WSCD2: variants seen among roughly 807,000 people sequenced by gnomAD.
WSCD2 encodes the protein WSC domain sialate O sulfotransferase 2, also known as sialate:O-sulfotransferase 2.
Under a neutral mutation model 55.7 loss-of-function variants are expected in WSCD2, and 28 were observed. That is an observed-to-expected ratio of 0.50 (90% confidence interval 0.37 to 0.69). The LOEUF (loss-of-function observed/expected upper bound fraction) is 0.69, where lower values mean the gene tolerates loss of function less well. Among genes scored for constraint, WSCD2 ranks in the 30% least tolerant of loss-of-function variants. The pLI is 0.00. For missense variants in WSCD2, 616 were observed against 762.1 expected, an observed-to-expected ratio of 0.81 and a Z score of 2.26; for synonymous variants, 301 against 301.9, an observed-to-expected ratio of 1.00 and a Z score of 0.03.
At chr12:108,199,878 C>T (rs533593971) in intron 2 of WSCD2, among the ~76,000 whole-genome samples, 1 of 152,280 alleles carries the variant, frequency 6.6e-6, no homozygotes, top group East Asian at 1.9e-4. Flanking sequence ...CGTCACTTCT[C>T]AGTGTACAGA....
intron 1 of WSCD2, among the ~76,000 whole-genome samples, chr12:108,181,794 A>C (rs567885662): frequency 4.6e-5 from 7 of 152,194 alleles, no homozygotes; most frequent in Non-Finnish European, 1.0e-4. Context: ...CCACCAAGCC[A>C]TAGCTGCCCC....
At chr12:108,223,234 CA>C (rs1887722992) in intron 4 of WSCD2, among the ~76,000 whole-genome samples, 1 of 152,218 alleles carries the variant, frequency 6.6e-6, no homozygotes, top group Admixed American at 6.5e-5. Context: ...AACTGGGCAC[CA>C]TGGCCTAGCT....
intron 4 of WSCD2, among the ~76,000 whole-genome samples, chr12:108,219,908 G>A (rs1305408508): frequency 6.6e-6 from 1 of 152,198 alleles, no homozygotes; most frequent in African/African-American, 2.4e-5. Context: ...GAGACCCAGG[G>A]TCAAGATCTG....
chr12:108,151,207 G>A (rs547185121), intron 1 of WSCD2, among the ~76,000 whole-genome samples: 11 of 152,148 alleles, frequency 7.2e-5, no homozygotes, highest in Non-Finnish European at 1.5e-4. Flanking sequence ...CATTTGTGGT[G>A]AGATAATTTC....
chr12:108,136,558 C>T (rs956797189), intron 1 of WSCD2, among the ~76,000 whole-genome samples: 5 of 152,174 alleles, frequency 3.3e-5, no homozygotes, highest in Non-Finnish European at 7.4e-5. Context: ...TGTAATCAGA[C>T]TTCACTTCCA....
intron 1 of WSCD2, among the ~76,000 whole-genome samples, chr12:108,162,485 C>T (rs1879176484): frequency 6.6e-6 from 1 of 152,170 alleles, no homozygotes. Context: ...ATCAATGTGC[C>T]CCACACATGT....
chr12:108,223,746 C>T (rs542052567), intron 4 of WSCD2, among the ~76,000 whole-genome samples: 10 of 152,180 alleles, frequency 6.6e-5, no homozygotes, highest in Non-Finnish European at 1.5e-4. Context: ...CAGCCCCTCC[C>T]AGGAAGTTAC....
intron 1 of WSCD2, among the ~76,000 whole-genome samples, chr12:108,157,032 C>T (rs1256041044): frequency 6.6e-6 from 1 of 152,206 alleles, no homozygotes; most frequent in Non-Finnish European, 1.5e-5. Flanking sequence ...CCCAGGACCC[C>T]ACCCCATAAG....
intron 1 of WSCD2, among the ~76,000 whole-genome samples, chr12:108,179,859 T>G (rs1334938344): frequency 1.3e-5 from 2 of 152,122 alleles, no homozygotes; most frequent in African/African-American, 4.8e-5. Flanking sequence ...ATGGTGAACA[T>G]TAGAAATTAT....
Position 108,196,048 on chromosome 12 carries a change from G to A in WSCD2, c.216G>A (p.Leu72=), listed in dbSNP as rs774972579. 1.2e-6 allele frequency: 2 copies of A among 1,614,088 alleles called. No homozygotes were observed. Among genetic ancestry groups the A allele is most frequent in the African/African-American group, 2.7e-5 (2 of 74,926 alleles). The part of the protein sequence containing the change: ...AELSFLGDMH[L]GRGFRDTGEA... ...TGTCCTTCTTGGGTGACATGCATCT[G>A]GGCAGAGGTTTCCGGGACACAGGTG... Residue 72 remains leucine (L), a synonymous_variant, in exon 2 of 9, where the codon CTG becomes CTA. Coordinates refer to ENST00000547525, the MANE Select transcript of WSCD2 (RefSeq NM_014653.4).
intron 8 of WSCD2, among the ~76,000 whole-genome samples, chr12:108,242,120 C>G (rs773747074): frequency 5.3e-5 from 8 of 152,188 alleles, no homozygotes; most frequent in Non-Finnish European, 8.8e-5. Flanking sequence ...GTACTCCAGC[C>G]CCTCCCCAGA....
Position 108,210,392 on chromosome 12 carries a change from A to AC in WSCD2, c.682+90dup. ...AAAGAGTCCCACATGTCTGCCCTGTACCCTCCATGGCTCCCCATCACTCCA... is the reference window on the plus strand; with the variant it reads ...AAAGAGTCCCACATGTCTGCCCTGTACCCCTCCATGGCTCCCCATCACTCCA... On this transcript the variant is annotated intron_variant, in intron 4 of 8. Transcript: ENST00000547525. This position sits in a 1 kb window ranked among gnomAD's most constrained non-coding sequence, Gnocchi z 4.3. 1.4e-6 allele frequency: 2 copies of AC among 1,467,596 alleles called. No homozygotes were observed. Among genetic ancestry groups the AC allele is most frequent in the Non-Finnish European group, 1.8e-6 (2 of 1,104,970 alleles). 90.9% of individuals were successfully genotyped at this position (1,467,596 alleles called of 1,614,324 possible).
At chr12:108,232,308 C>T (rs1028509496) in intron 6 of WSCD2, among the ~76,000 whole-genome samples, 9 of 151,998 alleles carry the variant, frequency 5.9e-5, no homozygotes, top group African/African-American at 1.2e-4. Context: ...TTTCAGAGCC[C>T]GCAAAATACA....
intron 7 of WSCD2, 126 bp downstream of exon 7, chr12:108,233,021 T>C: frequency 7.8e-7 from 1 of 1,284,354 alleles, no homozygotes; most frequent in Non-Finnish European, 1.1e-6. Flanking sequence ...CCAGGCACAC[T>C]TTTTGAGACT....
chr12:108,248,826 A>C lies in WSCD2; in HGVS notation c.*483A>C. ...TCATCTCCACCCAAGAAGTGCTGGC[A>C]CCGATGTTTAACTCAGGCCACCTTC... On this transcript the variant is annotated 3_prime_UTR_variant, in exon 9 of 9. Coordinates refer to ENST00000547525, the MANE Select transcript of WSCD2 (RefSeq NM_014653.4). This position sits in a 1 kb window ranked among gnomAD's most constrained non-coding sequence, Gnocchi z 4.3. 2 of 990,306 alleles carry C rather than the reference A, an allele frequency of 2.0e-6. No individual in the cohort carries two copies. Among genetic ancestry groups the C allele is most frequent in the South Asian group, 4.6e-5 (1 of 21,626 alleles). 61.3% of individuals were successfully genotyped at this position (990,306 alleles called of 1,614,324 possible). A position where few individuals can be genotyped will look rare whatever the true frequency, so the allele number is the denominator to read the frequency against.
chr12:108,165,046 A>T (rs1204518527), intron 1 of WSCD2, among the ~76,000 whole-genome samples: 1 of 152,192 alleles, frequency 6.6e-6, no homozygotes, highest in Admixed American at 6.5e-5. Context: ...TGGCAAGGAG[A>T]CAGAAGTCAG....
At chr12:108,138,437 A>G (rs1224682886) in intron 1 of WSCD2, among the ~76,000 whole-genome samples, 1 of 152,216 alleles carries the variant, frequency 6.6e-6, no homozygotes, top group Non-Finnish European at 1.5e-5. Context: ...GGTAGCTTAT[A>G]GGCTGTGTAA....
At chr12:108,174,806 G>A (rs942818525) in intron 1 of WSCD2, among the ~76,000 whole-genome samples, 26 of 152,142 alleles carry the variant, frequency 1.7e-4, no homozygotes, top group African/African-American at 6.3e-4. Context: ...TTTTTTTGCA[G>A]AGATGGGGTC....
At chr12:108,187,012 T>C (rs750874590) in intron 1 of WSCD2, among the ~76,000 whole-genome samples, 1 of 152,184 alleles carries the variant, frequency 6.6e-6, no homozygotes, top group Non-Finnish European at 1.5e-5. Context: ...GACTTAACTT[T>C]TGCTCTTTCT....
Sources: gnomAD v4.1 joint callset for allele counts (sites outside exome capture counted in the v4.1 genomes callset) on GRCh38, gnomAD v4.1.1 for gene constraint, Gnocchi (gnomAD v3.1) non-coding constraint, MANE v1.5 for transcripts, NCBI Gene and HGNC (gene_info 2026-07-23, HGNC 2026-07-21) for gene names.